The following PARD3B variants were observed in gnomAD, a reference collection of about 807,000 sequenced individuals.
PARD3B encodes the protein par-3 family cell polarity regulator beta, also known as partitioning defective 3 homolog B.
A neutral mutation model predicts 130.2 loss-of-function variants in PARD3B; 103 were observed. The observed-to-expected ratio is 0.79, with a 90% CI of 0.67 to 0.93. PARD3B has a LOEUF of 0.93. PARD3B is among the 40% of genes least tolerant of loss of function. The pLI, the probability that PARD3B is intolerant of heterozygous loss-of-function variation, is 0.00. For synonymous variants in PARD3B, 583 were observed against 553.2 expected (o/e 1.05, Z -0.76); for missense variants, 1,609 against 1,499.2 (o/e 1.07, Z -1.21).
intron 2 of PARD3B, among the ~76,000 whole-genome samples, chr2:204,772,015 T>G (rs190255755): frequency 6.6e-6 from 1 of 152,216 alleles, no homozygotes; most frequent in East Asian, 1.9e-4. Flanking sequence ...TTTAACAATA[T>G]ATGCTTATTT....
chr2:205,220,438 A>C (rs2038177861), intron 15 of PARD3B, among the ~76,000 whole-genome samples: 2 of 152,164 alleles, frequency 1.3e-5, no homozygotes, highest in Non-Finnish European at 2.9e-5. Flanking sequence ...TTTCCAGAAA[A>C]GCCCAATCCA....
At chr2:205,451,187 A>T (rs939396586) in intron 20 of PARD3B, among the ~76,000 whole-genome samples, 1 of 152,196 alleles carries the variant, frequency 6.6e-6, no homozygotes, top group Non-Finnish European at 1.5e-5. Context: ...CATGATTCCA[A>T]GATGGCCGTA....
In PARD3B at chr2:204,837,513, C is replaced by T. The variant is rs550369275; in HGVS notation, c.223-127639C>T. Among the ~76,000 whole-genome samples the T allele has an allele frequency of 1.3e-3, 202 of 151,712 alleles. 1 individual carries two copies. Among genetic ancestry groups the T allele is most frequent in the Non-Finnish European group, 2.0e-3 (134 of 67,914 alleles). ...TTGGCTCACTGCAACCTCCTCCTCC[C>T]GGGTTCAAGCAATTCTCCTGCCTTG... On this transcript the variant is annotated intron_variant, in intron 2 of 22. Coordinates refer to ENST00000406610, the MANE Select transcript of PARD3B (RefSeq NM_001302769.2).
intron 15 of PARD3B, among the ~76,000 whole-genome samples, chr2:205,194,960 T>TC (rs1442594892): frequency 1.6e-5 from 2 of 126,560 alleles, no homozygotes; most frequent in African/African-American, 5.8e-5. Flanking sequence ...ATTTTTTTTT[T>TC]TTTTTTTTTT....
chr2:204,990,449 G>A (rs527831790), intron 3 of PARD3B, among the ~76,000 whole-genome samples: 1 of 152,058 alleles, frequency 6.6e-6, no homozygotes, highest in Non-Finnish European at 1.5e-5. Flanking sequence ...ACAAATTATT[G>A]TTAACTATAG....
At chr2:205,210,848 A>G (rs547285947) in intron 15 of PARD3B, among the ~76,000 whole-genome samples, 1 of 152,230 alleles carries the variant, frequency 6.6e-6, no homozygotes, top group East Asian at 1.9e-4. Flanking sequence ...TGATCTGAGC[A>G]TTTCCTTTAT....
At chr2:204,782,025 T>C (rs2041849726) in intron 2 of PARD3B, among the ~76,000 whole-genome samples, 1 of 152,114 alleles carries the variant, frequency 6.6e-6, no homozygotes, top group Non-Finnish European at 1.5e-5. Context: ...AGAAGTTTAC[T>C]TGATGAGAAA....
rs116210907 is a variant in PARD3B at position 204,793,823 on chromosome 2, A to C, written c.222+107541A>C. ...CGCCCGGCCATCATTGACCTTTTTC[A>C]GTATAAATGCCCTCTTATTTCCTTT... On this transcript the variant is annotated intron_variant, in intron 2 of 22. Transcript: ENST00000406610. Among the ~76,000 whole-genome samples the C allele has an allele frequency of 6.1e-3, 930 of 152,230 alleles. 11 individuals carry two copies. The highest frequency in any genetic ancestry group is 0.022 in the African/African-American group (899 of 41,552).
At chr2:204,987,576 T>G (rs1693275140) in intron 3 of PARD3B, among the ~76,000 whole-genome samples, 1 of 152,212 alleles carries the variant, frequency 6.6e-6, no homozygotes, top group Non-Finnish European at 1.5e-5. Flanking sequence ...GTATCTGTAG[T>G]CCCTGGCACA....
In PARD3B at chr2:205,325,245, A is replaced by G. The variant is rs1361450064; in HGVS notation, c.2630+23544A>G. On this transcript the variant is annotated intron_variant, in intron 18 of 22. Transcript: ENST00000406610. This position sits in a 1 kb window ranked among gnomAD's most constrained non-coding sequence, Gnocchi z 4.1. Reference sequence around the variant, plus strand: ...GAAGAGCTTAGATTTCTGAGGTGTTATACAATGTTCAACCTTTATACTTTT... The same window carrying G: ...GAAGAGCTTAGATTTCTGAGGTGTTGTACAATGTTCAACCTTTATACTTTT... Among the ~76,000 whole-genome samples, 1 of 152,188 alleles carries G rather than the reference A, an allele frequency of 6.6e-6. No individual in the cohort carries two copies. The highest frequency in any genetic ancestry group is 6.5e-5 in the Admixed American group (1 of 15,278).
In PARD3B at chr2:205,158,944, G is replaced by A. The variant is rs766617214; in HGVS notation, c.1620+37G>A. The stretch of plus-strand genomic sequence containing the variant: ...TGACATTTGTACATCCTTTGAGAAG[G>A]CACTTGGAGATGTGACTGTTGTACT... On this transcript the variant is annotated intron_variant, in intron 11 of 22. Transcript: ENST00000406610. The surrounding 1 kb of genome is among the most constrained non-coding windows in gnomAD (Gnocchi z 5.4). 6.2e-7 allele frequency: 1 copy of A among 1,603,484 alleles called. No individual in the cohort carries two copies. The highest frequency in any genetic ancestry group is 1.1e-5 in the South Asian group (1 of 90,572).
intron 22 of PARD3B, among the ~76,000 whole-genome samples, chr2:205,596,136 G>A (rs2054561938): frequency 6.6e-6 from 1 of 152,130 alleles, no homozygotes; most frequent in Non-Finnish European, 1.5e-5. Context: ...AGATTTGAAT[G>A]TAAAAGGTTT....
chr2:204,785,917 G>C (rs201561951), intron 2 of PARD3B, among the ~76,000 whole-genome samples: 2 of 151,968 alleles, frequency 1.3e-5, no homozygotes, highest in Admixed American at 1.3e-4. Flanking sequence ...TTTGAGGCCA[G>C]CCTGGCCAAC....
chr2:205,181,534 C>T (rs1371246414), intron 13 of PARD3B, among the ~76,000 whole-genome samples: 1 of 152,172 alleles, frequency 6.6e-6, no homozygotes, highest in South Asian at 2.1e-4. Flanking sequence ...ATTCTGCCAT[C>T]GTAGAGCAGA....
chr2:205,193,746 C>A (rs543652041), intron 15 of PARD3B, among the ~76,000 whole-genome samples: 2 of 152,232 alleles, frequency 1.3e-5, no homozygotes, highest in African/African-American at 4.8e-5. Context: ...TAGTGCTTCA[C>A]TTCCTTCTAT....
rs4045004 is a variant in PARD3B at position 205,126,752 on chromosome 2, CAAAAAAAAAAAAAAAAAAAAAA to C, written c.1434+1029_1434+1050del. On this transcript the variant is annotated intron_variant, in intron 10 of 22. Transcript: ENST00000406610. ...TGGGCGACAGAGCGAGACTCCGTCT[CAAAAAAAAAAAAAAAAAAAAAA>C]AAAAAAAAAAAAATTGATAATAGCA... 8.6e-4 allele frequency among the ~76,000 whole-genome samples: 64 copies of C among 74,460 alleles called. 1 individual carries two copies. The highest frequency in any genetic ancestry group is 4.1e-3 in the African/African-American group (64 of 15,458). 48.8% of individuals were successfully genotyped at this position (74,460 alleles called of 152,430 possible). A position where few individuals can be genotyped will look rare whatever the true frequency, so the allele number is the denominator to read the frequency against.
Position 205,605,361 on chromosome 2 carries a change from C to T in PARD3B, c.3261-10095C>T, listed in dbSNP as rs188937167. ...TCATCTTCATGAGTTTATCTAGCTT[C>T]GATCTTTGAGGCTGCTGGCCTTTGG... is the stretch of plus-strand genomic sequence containing the variant. On this transcript the variant is annotated intron_variant, in intron 22 of 22. Coordinates refer to ENST00000406610, the MANE Select transcript of PARD3B (RefSeq NM_001302769.2). Among the ~76,000 whole-genome samples, 102 of 152,224 alleles carry T rather than the reference C, an allele frequency of 6.7e-4. 2 individuals are homozygous for T. Among genetic ancestry groups the T allele is most frequent in the East Asian group, 6.6e-3 (34 of 5,184 alleles).
intron 2 of PARD3B, among the ~76,000 whole-genome samples, chr2:204,764,127 GA>G: frequency 6.6e-6 from 1 of 152,168 alleles, no homozygotes; most frequent in East Asian, 1.9e-4. Context: ...CCACCACAGA[GA>G]GAGGGCCCCA....
rs113354717 is a variant in PARD3B at position 204,822,247 on chromosome 2, G to T, written c.222+135965G>T. On this transcript the variant is annotated intron_variant, in intron 2 of 22. Coordinates refer to ENST00000406610, the MANE Select transcript of PARD3B (RefSeq NM_001302769.2). ...TGCAGATGTGGTAGAAATAGCAAGA[G>T]AACTAGAATTAGAAATGGAGTTTGA... Among the ~76,000 whole-genome samples, 553 of 152,306 alleles carry T rather than the reference G, an allele frequency of 3.6e-3. 3 individuals carry two copies. Among genetic ancestry groups the T allele is most frequent in the African/African-American group, 0.012 (507 of 41,576 alleles).
Sources: allele counts gnomAD v4.1 joint callset (sites outside exome capture counted in the v4.1 genomes callset), GRCh38; gene constraint gnomAD v4.1.1; non-coding constraint Gnocchi (gnomAD v3.1); transcripts MANE v1.5; gene names NCBI Gene and HGNC (gene_info 2026-07-23, HGNC 2026-07-21).